GNA12: variants seen among roughly 807,000 people sequenced by gnomAD.
GNA12 encodes guanine nucleotide-binding protein subunit alpha-12.
Under a neutral mutation model 26.0 loss-of-function variants are expected in GNA12, and 9 were observed. The observed-to-expected ratio is 0.35, with a 90% CI of 0.21 to 0.60. GNA12 has a LOEUF of 0.60. Ranked by LOEUF, GNA12 falls within the 20% of genes least tolerant of loss-of-function variation. The probability of loss-of-function intolerance (pLI) is 0.78; values close to 1 mark genes in which losing one functional copy is unlikely to be tolerated. For synonymous variants in GNA12, 264 were observed against 219.6 expected (o/e 1.20, Z -1.79); for missense variants, 405 against 525.8 (o/e 0.77, Z 2.25).
intron 2 of GNA12, among the ~76,000 whole-genome samples, chr7:2,778,158 T>C (rs1430948732): frequency 3.3e-5 from 5 of 152,232 alleles, no homozygotes; most frequent in African/African-American, 1.2e-4. Context: ...CTAGAAGGTT[T>C]AGTGAGAAGA....
At position 2,809,459 on chromosome 7, in the gene GNA12, C is replaced by T. The variant is rs80127198; in HGVS notation, c.310-14316G>A. ...AATGTATTTTTCATTGGAAATTCCA[C>T]CCTATGATGACTCATTATTGACATT... is the stretch of plus-strand genomic sequence containing the variant. On this transcript the variant is annotated intron_variant, in intron 1 of 3. Coordinates refer to ENST00000275364, the MANE Select transcript of GNA12 (RefSeq NM_007353.3). 9.5e-3 allele frequency among the ~76,000 whole-genome samples: 1,446 copies of T among 152,272 alleles called. 10 individuals are homozygous for T. Among genetic ancestry groups the T allele is most frequent in the Middle Eastern group, 0.071 (21 of 294 alleles).
chr7:2,828,632 T>C (rs1793535781), intron 1 of GNA12, among the ~76,000 whole-genome samples: 1 of 152,242 alleles, frequency 6.6e-6, no homozygotes, highest in Admixed American at 6.5e-5. Flanking sequence ...CTTAGGACGC[T>C]ACGTTAAAAC....
intron 2 of GNA12, among the ~76,000 whole-genome samples, chr7:2,758,843 G>A (rs1007348656): frequency 6.6e-6 from 1 of 152,188 alleles, no homozygotes; most frequent in Non-Finnish European, 1.5e-5. Context: ...ATCACCGCAT[G>A]TATCAACATG....
chr7:2,784,888 T>A (rs993217817), intron 2 of GNA12, among the ~76,000 whole-genome samples: 1 of 152,242 alleles, frequency 6.6e-6, no homozygotes, highest in Non-Finnish European at 1.5e-5. Flanking sequence ...CCATCATTAT[T>A]TTCCTTTAGG....
At chr7:2,794,214 G>T (rs538474181) in intron 2 of GNA12, among the ~76,000 whole-genome samples, 1 of 152,338 alleles carries the variant, frequency 6.6e-6, no homozygotes, top group East Asian at 1.9e-4. Context: ...AAGGATTCAT[G>T]ACTTCAACTT....
At chr7:2,737,720 C>T (rs371816190) in intron 2 of GNA12, among the ~76,000 whole-genome samples, 11 of 152,144 alleles carry the variant, frequency 7.2e-5, no homozygotes, top group Non-Finnish European at 1.0e-4. Context: ...CTCACTTCAA[C>T]GTGACAAATT....
intron 2 of GNA12, among the ~76,000 whole-genome samples, chr7:2,774,758 T>C (rs1248269089): frequency 1.3e-5 from 2 of 152,164 alleles, no homozygotes; most frequent in Non-Finnish European, 2.9e-5. Flanking sequence ...ATCAGGCACG[T>C]CTAAGAATAA....
At chr7:2,796,495 C>A (rs1347507101) in intron 1 of GNA12, among the ~76,000 whole-genome samples, 2 of 152,024 alleles carry the variant, frequency 1.3e-5, no homozygotes, top group African/African-American at 4.8e-5. Flanking sequence ...TCTGGCAGCT[C>A]CTCTATTCCA....
At chr7:2,771,072 C>G (rs553278488) in intron 2 of GNA12, among the ~76,000 whole-genome samples, 7 of 152,268 alleles carry the variant, frequency 4.6e-5, no homozygotes, top group African/African-American at 1.7e-4. Flanking sequence ...GGGTGGATCA[C>G]TTGAAGTTAG....
At position 2,730,010 on chromosome 7, in the gene GNA12, G is replaced by C. The variant is rs1035002393; in HGVS notation, c.*1171C>G. The C allele has an allele frequency of 6.6e-6, 1 of 152,312 alleles. No homozygotes were observed. The highest frequency in any genetic ancestry group is 2.4e-5 in the African/African-American group (1 of 41,446). 9.4% of individuals were successfully genotyped at this position (152,312 alleles called of 1,614,324 possible). A position where few individuals can be genotyped will look rare whatever the true frequency, so the allele number is the denominator to read the frequency against. On this transcript the variant is annotated 3_prime_UTR_variant, in exon 4 of 4. Coordinates refer to ENST00000275364, the MANE Select transcript of GNA12 (RefSeq NM_007353.3). ...CACAGTCATAGAAGCGAGGGGCCTCGATGAGAATCAGACTTAGGGAGAGCG... is the reference window on the plus strand; with the variant it reads ...CACAGTCATAGAAGCGAGGGGCCTCCATGAGAATCAGACTTAGGGAGAGCG...
rs1264735005 is a variant in GNA12, at chr7:2,730,939, A to G, written c.*242T>C. The G allele has an allele frequency of 3.9e-6, 2 of 509,122 alleles. No homozygotes were observed. Among genetic ancestry groups the G allele is most frequent in the Non-Finnish European group, 7.1e-6 (2 of 282,260 alleles). The allele number at this position is 509,122 out of a possible 1,614,324, so 31.5% of individuals were successfully genotyped here. A position where few individuals can be genotyped will look rare whatever the true frequency, so the allele number is the denominator to read the frequency against. On this transcript the variant is annotated 3_prime_UTR_variant, in exon 4 of 4. Transcript: ENST00000275364. ...TGATTAGGTGTTCCGTATTCACAACATCATCACTCGGATTTTCAGTAGTTT... is the reference window on the plus strand; with the variant it reads ...TGATTAGGTGTTCCGTATTCACAACGTCATCACTCGGATTTTCAGTAGTTT...
intron 2 of GNA12, among the ~76,000 whole-genome samples, chr7:2,781,449 T>TGTGTGTGTGTGTG (rs397971357): frequency 1.4e-5 from 2 of 144,954 alleles, no homozygotes; most frequent in Non-Finnish European, 1.5e-5. Flanking sequence ...TGTGTGTGTG[T>TGTGTGTGTGTGTG]AGGGTACAAT....
rs1317020597 is a variant in GNA12, at chr7:2,737,269, G to GTTTTTTTTTTTTT, written c.526-3769_526-3768insAAAAAAAAAAAAA. 2.1e-4 allele frequency among the ~76,000 whole-genome samples: 8 copies of GTTTTTTTTTTTTT among 38,128 alleles called. 2 individuals carry two copies. Among genetic ancestry groups the GTTTTTTTTTTTTT allele is most frequent in the South Asian group, 1.6e-3 (2 of 1,284 alleles). The allele number at this position is 38,128 out of a possible 152,430, so 25.0% of individuals were successfully genotyped here. A position where few individuals can be genotyped will look rare whatever the true frequency, so the allele number is the denominator to read the frequency against. Reference sequence around the variant, plus strand: ...CATTCAGGAGCTATCTCACAGTTTTGTTTTGTTTTTTTTTTTTTTGTTTTT... The same window carrying GTTTTTTTTTTTTT: ...CATTCAGGAGCTATCTCACAGTTTTGTTTTTTTTTTTTTTTTTGTTTTTTTTTTTTTTGTTTTT... On this transcript the variant is annotated intron_variant, in intron 2 of 3. Coordinates refer to ENST00000275364, the MANE Select transcript of GNA12 (RefSeq NM_007353.3).
intron 2 of GNA12, among the ~76,000 whole-genome samples, chr7:2,785,651 T>C (rs1562426949): frequency 1.3e-5 from 2 of 152,194 alleles, no homozygotes; most frequent in South Asian, 2.1e-4. Flanking sequence ...TACATGTGCA[T>C]ATACACACAC....
At chr7:2,759,001 G>C (rs1011061285) in intron 2 of GNA12, among the ~76,000 whole-genome samples, 26 of 151,170 alleles carry the variant, frequency 1.7e-4, no homozygotes, top group African/African-American at 6.1e-4. Flanking sequence ...CTAGCGGGGC[G>C]TGGTGGTGGG....
chr7:2,826,084 C>A (rs1425908927), intron 1 of GNA12, among the ~76,000 whole-genome samples: 1 of 152,016 alleles, frequency 6.6e-6, no homozygotes, highest in Admixed American at 6.5e-5. Flanking sequence ...TCTTACAAAA[C>A]TAAACATACT....
In GNA12 at chr7:2,826,988, T is replaced by C. The variant is rs145187198; in HGVS notation, c.309+16865A>G. 4.1e-3 allele frequency among the ~76,000 whole-genome samples: 622 copies of C among 152,288 alleles called. 4 individuals carry two copies. Among genetic ancestry groups the C allele is most frequent in the Middle Eastern group, 0.01 (3 of 294 alleles). ...AACTTTCCCAACCCTAGCACACTAA[T>C]GCAAGATGTTACTCACAGGGGAAAA... On this transcript the variant is annotated intron_variant, in intron 1 of 3. Transcript: ENST00000275364.
intron 2 of GNA12, among the ~76,000 whole-genome samples, chr7:2,744,401 G>T (rs1035739888): frequency 6.6e-5 from 10 of 152,212 alleles, no homozygotes; most frequent in Admixed American, 6.5e-4. Context: ...TGATACCCAA[G>T]CAAACAGGGT....
At position 2,844,000 on chromosome 7, in the gene GNA12, G is replaced by A. The variant is rs748221542; in HGVS notation, c.162C>T (p.Val54=). The change falls in exon 1 of 4, where the codon GTC becomes GTT. Residue 54 remains valine (V), a synonymous_variant. Coordinates refer to ENST00000275364, the MANE Select transcript of GNA12 (RefSeq NM_007353.3). ...DALLARERRA[V]RRLVKILLLG... Reference sequence around the variant, plus strand: ...GCAGCAGGATCTTCACCAGGCGCCGGACCGCGCGCCGCTCGCGGGCCAGCA... The same window carrying A: ...GCAGCAGGATCTTCACCAGGCGCCGAACCGCGCGCCGCTCGCGGGCCAGCA... 1.9e-6 allele frequency: 3 copies of A among 1,546,354 alleles called. No homozygotes were observed. The highest frequency in any genetic ancestry group is 1.2e-5 in the South Asian group (1 of 84,074).
Sources: gnomAD v4.1 joint callset for allele counts (sites outside exome capture counted in the v4.1 genomes callset) on GRCh38, gnomAD v4.1.1 for gene constraint, MANE v1.5 for transcripts, NCBI Gene and HGNC (gene_info 2026-07-23, HGNC 2026-07-21) for gene names.